Variants in PCDHA8 observed in about 807,000 individuals in gnomAD.
PCDHA8 encodes the protein protocadherin alpha-8.
A neutral mutation model predicts 61.8 loss-of-function variants in PCDHA8; 53 were observed. The ratio of observed to expected loss-of-function variants is 0.86; its 90% CI spans 0.69 to 1.08. The LOEUF is 1.08. PCDHA8 is among the 50% of genes least tolerant of loss of function. The pLI, the probability that PCDHA8 is intolerant of heterozygous loss-of-function variation, is 0.00. For missense variants in PCDHA8, 1,293 were observed against 1,245.0 expected, an observed-to-expected ratio of 1.04 and a Z score of -0.58; for synonymous variants, 618 against 556.6, an observed-to-expected ratio of 1.11 and a Z score of -1.55.
chr5:140,857,951 G>T (rs569786768), intron 1 of PCDHA8: 15 of 1,597,274 alleles, frequency 9.4e-6, no homozygotes, highest in East Asian at 2.2e-5. Flanking sequence ...TACGACGCGC[G>T]CTCTGGATGA....
chr5:140,946,844 G>A (rs189496185), intron 1 of PCDHA8, among the ~76,000 whole-genome samples: 5 of 151,386 alleles, frequency 3.3e-5, no homozygotes, highest in Non-Finnish European at 5.9e-5. Context: ...CAGTAGTAAG[G>A]AGGAGAGATT....
intron 1 of PCDHA8, chr5:140,853,448 G>C: frequency 1.0e-6 from 1 of 980,734 alleles, no homozygotes; most frequent in Non-Finnish European, 1.2e-6. Context: ...TTGCCTAATA[G>C]GTCTCCTTAT....
At chr5:141,001,476 G>A (rs1554258187) in intron 3 of PCDHA8, among the ~76,000 whole-genome samples, 1 of 152,226 alleles carries the variant, frequency 6.6e-6, no homozygotes, top group Admixed American at 6.5e-5. Flanking sequence ...CAGCAGCGGG[G>A]AAGTGCTGGA....
In PCDHA8 at chr5:140,928,656, T is replaced by A. The variant is rs116598649; in HGVS notation, c.2395-50293T>A. ...TCACAAAAGTGGTAGCAGAGGATGC[T>A]GACAGTGGTTCTAATGCCTGGCTTT... On this transcript the variant is annotated intron_variant, in intron 1 of 3. Transcript: ENST00000531613. 5,180 of 1,614,228 alleles carry A rather than the reference T, an allele frequency of 3.2e-3. 26 individuals are homozygous for A. Among genetic ancestry groups the A allele is most frequent in the African/African-American group, 0.019 (1,449 of 75,056 alleles).
chr5:140,884,002 C>A (rs1189374158), intron 1 of PCDHA8: 1 of 1,612,906 alleles, frequency 6.2e-7, no homozygotes, highest in Admixed American at 1.7e-5. Flanking sequence ...GCACAGTGAG[C>A]GAGCTGATGC....
At chr5:141,005,288 T>A (rs908780920) in intron 3 of PCDHA8, among the ~76,000 whole-genome samples, 1 of 152,176 alleles carries the variant, frequency 6.6e-6, no homozygotes. Flanking sequence ...AACAGATACA[T>A]TTTTTGCCTT....
chr5:140,927,257 C>T, intron 1 of PCDHA8: 1 of 1,614,152 alleles, frequency 6.2e-7, no homozygotes, highest in Non-Finnish European at 8.5e-7. Flanking sequence ...GACAACTCAC[C>T]TCTCTTTCCT....
rs1465056587 is a variant in PCDHA8, at chr5:140,851,176, T to G, written c.2394+7461T>G. The G allele has an allele frequency of 9.5e-6, 12 of 1,259,426 alleles. 2 individuals carry two copies. Among genetic ancestry groups the G allele is most frequent in the Non-Finnish European group, 1.2e-5 (12 of 979,742 alleles). The allele number at this position is 1,259,426 out of a possible 1,614,324, so 78.0% of individuals were successfully genotyped here. A position where few individuals can be genotyped will look rare whatever the true frequency, so the allele number is the denominator to read the frequency against. Reference sequence around the variant, plus strand: ...TCTGATGCTATGCTGCCATAACACTTGAAAACCAATTTAGTTGTTAGTCAT... The same window carrying G: ...TCTGATGCTATGCTGCCATAACACTGGAAAACCAATTTAGTTGTTAGTCAT... On this transcript the variant is annotated intron_variant, in intron 1 of 3. Coordinates refer to ENST00000531613, the MANE Select transcript of PCDHA8 (RefSeq NM_018911.3).
chr5:140,850,745 C>T, intron 1 of PCDHA8: 1 of 1,597,954 alleles, frequency 6.3e-7, no homozygotes. Context: ...GTTGGTCGTA[C>T]TCGCAGCAGA....
intron 1 of PCDHA8, among the ~76,000 whole-genome samples, chr5:140,895,039 C>T (rs1274502441): frequency 6.6e-6 from 1 of 152,060 alleles, no homozygotes. Context: ...GTCCCCCACC[C>T]ACACCATTCT....
chr5:140,886,602 C>A (rs1167539535), intron 1 of PCDHA8, among the ~76,000 whole-genome samples: 1 of 151,638 alleles, frequency 6.6e-6, no homozygotes, highest in Non-Finnish European at 1.5e-5. Flanking sequence ...CCAAGGTGGG[C>A]GGATCAGGAG....
intron 1 of PCDHA8, among the ~76,000 whole-genome samples, chr5:140,889,202 T>G (rs1329949873): frequency 6.6e-6 from 1 of 151,910 alleles, no homozygotes; most frequent in Non-Finnish European, 1.5e-5. Context: ...ACTTGAATAC[T>G]TAACAAAGAA....
At chr5:140,937,291 C>T (rs940890612) in intron 1 of PCDHA8, among the ~76,000 whole-genome samples, 1 of 152,104 alleles carries the variant, frequency 6.6e-6, no homozygotes, top group African/African-American at 2.4e-5. Flanking sequence ...CCCGCTTCGG[C>T]CTCCCAAAGT....
At chr5:140,967,120 G>C in intron 1 of PCDHA8, 1 of 1,612,860 alleles carries the variant, frequency 6.2e-7, no homozygotes, top group East Asian at 2.2e-5. Flanking sequence ...CTCGCTGCCT[G>C]CTCAGCTTGG....
chr5:140,857,073 A>G (rs782238591), intron 1 of PCDHA8: 1 of 1,596,904 alleles, frequency 6.3e-7, no homozygotes, highest in East Asian at 2.2e-5. Context: ...CTACTGGATG[A>G]AAATGATAAT....
intron 1 of PCDHA8, among the ~76,000 whole-genome samples, chr5:140,978,505 C>T (rs2096806553): frequency 6.6e-6 from 1 of 152,354 alleles, no homozygotes; most frequent in South Asian, 2.1e-4. Context: ...AGATTGCAGT[C>T]CTCTGCAGTC....
intron 1 of PCDHA8, among the ~76,000 whole-genome samples, chr5:140,941,773 T>G (rs2093165270): frequency 6.6e-6 from 1 of 152,262 alleles, no homozygotes; most frequent in South Asian, 2.1e-4. Context: ...GATAATTGTT[T>G]TAATGTTTTA....
intron 1 of PCDHA8, chr5:140,876,970 G>T (rs1554169165): frequency 6.2e-7 from 1 of 1,612,850 alleles, no homozygotes; most frequent in East Asian, 2.2e-5. Flanking sequence ...GCGGCGGGTG[G>T]GCGAGCACGC....
At position 140,849,582 on chromosome 5, in the gene PCDHA8, G is replaced by A. The variant is rs2150441329; in HGVS notation, c.2394+5867G>A. On this transcript the variant is annotated intron_variant, in intron 1 of 3. Transcript: ENST00000531613. Reference sequence around the variant, plus strand: ...GCTCTCGGTTCCTGTAAAAGAGGACGCACAACTGGGGACAGTTATTGCCCT... The same window carrying A: ...GCTCTCGGTTCCTGTAAAAGAGGACACACAACTGGGGACAGTTATTGCCCT... 80 of 1,598,576 alleles carry A rather than the reference G, an allele frequency of 5.0e-5. 10 individuals are homozygous for A. Among genetic ancestry groups the A allele is most frequent in the Non-Finnish European group, 6.6e-5 (77 of 1,167,978 alleles).
Sources: allele counts gnomAD v4.1 joint callset (sites outside exome capture counted in the v4.1 genomes callset), GRCh38; gene constraint gnomAD v4.1.1; transcripts MANE v1.5; gene names NCBI Gene and HGNC (gene_info 2026-07-23, HGNC 2026-07-21).